ITSN1: variants seen among roughly 807,000 people sequenced by gnomAD.
The protein encoded by ITSN1 is intersectin 1, also known as intersectin-1.
In ITSN1, 58 loss-of-function variants were observed where a neutral mutation model predicts 239.8. The observed-to-expected ratio is 0.24, with a 90% CI of 0.20 to 0.30. The LOEUF is 0.30. Ranked by LOEUF, ITSN1 falls within the 10% of genes least tolerant of loss-of-function variation. The pLI is 1.00. For missense variants in ITSN1, 1,558 were observed against 2,103.3 expected (o/e 0.74, Z 5.07); for synonymous variants, 780 against 770.8 (o/e 1.01, Z -0.20).
At chr21:33,647,641 G>T (rs1043819314) in intron 1 of ITSN1, among the ~76,000 whole-genome samples, 1 of 152,016 alleles carries the variant, frequency 6.6e-6, no homozygotes, top group Non-Finnish European at 1.5e-5. Flanking sequence ...GATTACACAT[G>T]CCTGCCACCA....
chr21:33,847,742 G>T (rs894390203), intron 29 of ITSN1, among the ~76,000 whole-genome samples: 1 of 152,200 alleles, frequency 6.6e-6, no homozygotes. Flanking sequence ...CCTGCCATGG[G>T]CTGGATTCAG....
In ITSN1 at chr21:33,882,771, G is replaced by A. The variant is rs765493143; in HGVS notation, c.4554+316G>A. Among the ~76,000 whole-genome samples the A allele has an allele frequency of 2.6e-5, 4 of 152,124 alleles. No homozygotes were observed. The highest frequency in any genetic ancestry group is 2.1e-4 in the South Asian group (1 of 4,822). ...AGATGAGGCAGGTGTGAAAAAGCTC[G>A]GGAGAAGAGGTGCAAAACAGCACCC... On this transcript the variant is annotated intron_variant, in intron 35 of 39. Transcript: ENST00000381318. The surrounding 1 kb of genome is among the most constrained non-coding windows in gnomAD (Gnocchi z 4.5).
At chr21:33,774,501 C>A (rs367862825) in intron 12 of ITSN1, 1 of 365,640 alleles carries the variant, frequency 2.7e-6, no homozygotes, top group East Asian at 4.3e-5. Flanking sequence ...TGTCATCTTA[C>A]GTAAATATAG....
At chr21:33,781,623 C>A (rs2070187886) in intron 15 of ITSN1, 75 bp downstream of exon 15, 2 of 852,422 alleles carry the variant, frequency 2.3e-6, no homozygotes, top group Non-Finnish European at 3.7e-6. Context: ...CTCTGTCCCC[C>A]AGGCTGGAGT....
At position 33,797,684 on chromosome 21, in the gene ITSN1, C is replaced by A; in HGVS notation, c.2182+76C>A. ...AGCCTCCTGAAAAATGCCCCTATCT[C>A]ATCAGTACCTGTCTTGGCTACATTA... On this transcript the variant is annotated intron_variant, in intron 18 of 39. Coordinates refer to ENST00000381318, the MANE Select transcript of ITSN1 (RefSeq NM_003024.3). The surrounding 1 kb of genome is among the most constrained non-coding windows in gnomAD (Gnocchi z 4.9). 9.0e-7 allele frequency: 1 copy of A among 1,114,264 alleles called. No homozygotes were observed. The highest frequency in any genetic ancestry group is 1.4e-5 in the South Asian group (1 of 71,024). 69.0% of individuals were successfully genotyped at this position (1,114,264 alleles called of 1,614,324 possible). A position where few individuals can be genotyped will look rare whatever the true frequency, so the allele number is the denominator to read the frequency against.
chr21:33,725,659 TTTTATAA>T (rs2065790445), intron 4 of ITSN1, among the ~76,000 whole-genome samples: 1 of 152,208 alleles, frequency 6.6e-6, no homozygotes, highest in Non-Finnish European at 1.5e-5. Context: ...AAAGTCAGGT[TTTTATAA>T]TGACTATGTA....
chr21:33,760,107 CAA>C (rs548123368), intron 8 of ITSN1, among the ~76,000 whole-genome samples: 1 of 123,630 alleles, frequency 8.1e-6, no homozygotes, highest in African/African-American at 2.9e-5. Flanking sequence ...GACTCCATCT[CAA>C]AAAAAAAAAA....
intron 1 of ITSN1, among the ~76,000 whole-genome samples, chr21:33,690,784 T>A (rs1386972774): frequency 1.0e-4 from 1 of 9,620 alleles, no homozygotes; most frequent in Non-Finnish European, 1.9e-4. Flanking sequence ...TGTATATATA[T>A]ATATACATAT....
At chr21:33,818,567 G>T in intron 23 of ITSN1, 95 bp downstream of exon 23, 3 of 1,096,646 alleles carry the variant, frequency 2.7e-6, no homozygotes, top group Non-Finnish European at 4.1e-6. Context: ...AGGAGTTGCG[G>T]GATTAGTTTG....
chr21:33,792,903 C>T (rs938211562), intron 16 of ITSN1, among the ~76,000 whole-genome samples: 3 of 151,982 alleles, frequency 2.0e-5, no homozygotes, highest in Non-Finnish European at 4.4e-5. Context: ...CCCTTCCTTC[C>T]TTTCCTTTTT....
chr21:33,842,497 T>G (rs1479928298), intron 29 of ITSN1, among the ~76,000 whole-genome samples: 10 of 45,782 alleles, frequency 2.2e-4, no homozygotes, highest in Non-Finnish European at 3.5e-4. Flanking sequence ...ATGTCAACGG[T>G]GTGTGTGTGT....
In ITSN1 at chr21:33,818,381, A is replaced by G. The variant is rs762454074; in HGVS notation, c.2842A>G (p.Met948Val). 1.9e-6 allele frequency: 3 copies of G among 1,614,226 alleles called. No individual in the cohort carries two copies. The highest frequency in any genetic ancestry group is 1.1e-5 in the South Asian group (1 of 91,086). Reference protein sequence around the residue: ...DVITVLEQQDMWWFGEVQGQK... With the variant: ...DVITVLEQQDVWWFGEVQGQK... ...CATCACCGTCCTGGAACAGCAAGAC[A>G]TGTGGTGGTTTGGAGAAGTTCAAGG... Residue 948 changes from methionine to valine, a missense_variant, in exon 23 of 40, where the codon ATG becomes GTG. Coordinates refer to ENST00000381318, the MANE Select transcript of ITSN1 (RefSeq NM_003024.3).
intron 1 of ITSN1, among the ~76,000 whole-genome samples, chr21:33,644,185 A>G (rs2087714479): frequency 6.6e-6 from 1 of 152,220 alleles, no homozygotes; most frequent in East Asian, 1.9e-4. Flanking sequence ...TCTGTTTAAA[A>G]TTTCTTTTAC....
intron 8 of ITSN1, among the ~76,000 whole-genome samples, chr21:33,760,732 G>GAC (rs1310449696): frequency 1.3e-5 from 2 of 152,184 alleles, no homozygotes; most frequent in Non-Finnish European, 2.9e-5. Context: ...TTGATGAGGT[G>GAC]ACGTTTGAAT....
chr21:33,700,856 G>C (rs569967945), intron 1 of ITSN1, among the ~76,000 whole-genome samples: 1 of 151,958 alleles, frequency 6.6e-6, no homozygotes, highest in South Asian at 2.1e-4. Flanking sequence ...TTAGTCTCTA[G>C]GTCATTAAGC....
In ITSN1 at chr21:33,820,153, T is replaced by C. The variant is rs529955602; in HGVS notation, c.3016+830T>C. On this transcript the variant is annotated intron_variant, in intron 24 of 39. Transcript: ENST00000381318. ...TTTAGGACTAAAAAAAAAAAAATCA[T>C]TTTGAGTATTTATTATGCAAATAAT... Among the ~76,000 whole-genome samples, 6 of 152,228 alleles carry C rather than the reference T, an allele frequency of 3.9e-5. No homozygotes were observed. The South Asian group carries it at 1.2e-3, about 32-fold the overall frequency.
chr21:33,819,502 G>A (rs181433011), intron 24 of ITSN1, among the ~76,000 whole-genome samples, 179 bp downstream of exon 24: 87 of 152,164 alleles, frequency 5.7e-4, no homozygotes, highest in African/African-American at 1.9e-3. Context: ...ATACTGTCAG[G>A]TATATTAATC....
At chr21:33,718,765 C>G (rs2065314494) in intron 1 of ITSN1, 32 bp from the exon 2 acceptor site, 2 of 1,426,650 alleles carry the variant, frequency 1.4e-6, no homozygotes, top group South Asian at 2.3e-5. Context: ...ATTAAGTTTT[C>G]ATAAACTTAA....
chr21:33,697,813 T>G (rs990433119), intron 1 of ITSN1, among the ~76,000 whole-genome samples: 3 of 152,172 alleles, frequency 2.0e-5, no homozygotes, highest in Non-Finnish European at 2.9e-5. Flanking sequence ...CTAGAAGAAA[T>G]AAAGTCACTT....
Sources: allele counts gnomAD v4.1 joint callset (sites outside exome capture counted in the v4.1 genomes callset), GRCh38; gene constraint gnomAD v4.1.1; non-coding constraint Gnocchi (gnomAD v3.1); transcripts MANE v1.5; gene names NCBI Gene and HGNC (gene_info 2026-07-23, HGNC 2026-07-21).